The following NICOL1 variants were observed in gnomAD, a reference collection of about 807,000 sequenced individuals.
NICOL1 encodes the protein NELL2-interacting cell ontogeny regulator 1.
At chr4:2,043,788 T>A in the NICOL1 span, 2 of 1,330,964 alleles carry the variant, frequency 1.5e-6, no homozygotes, top group South Asian at 2.7e-5. Context: ...AGGGCTGCCT[T>A]GGGTGGGTGG....
the NICOL1 span, among the ~76,000 whole-genome samples, chr4:2,040,700 C>A: frequency 6.6e-6 from 1 of 152,214 alleles, no homozygotes; most frequent in Non-Finnish European, 1.5e-5. Context: ...CGGCCCGCAG[C>A]CCCCACCCGG....
At chr4:2,042,097 G>A in the NICOL1 span, 1 of 1,485,384 alleles carries the variant, frequency 6.7e-7, no homozygotes. Context: ...GCGTCCGAAT[G>A]GGCGTTTTCT....
chr4:2,041,599 C>A, the NICOL1 span: 1 of 186,818 alleles, frequency 5.4e-6, no homozygotes. Context: ...CAGCTCTCTC[C>A]GGGCGGTGCG....
chr4:2,042,448 C>T, the NICOL1 span: 4 of 430,602 alleles, frequency 9.3e-6, no homozygotes, highest in Non-Finnish European at 1.6e-5. Flanking sequence ...CGCCCGGGCC[C>T]GCGCCGAGCC....
the NICOL1 span, among the ~76,000 whole-genome samples, chr4:2,038,570 C>A: frequency 6.6e-6 from 1 of 152,000 alleles, no homozygotes; most frequent in Non-Finnish European, 1.5e-5. Context: ...AGCCACTGTG[C>A]CTGGCCTAAT....
the NICOL1 span, chr4:2,043,920 G>A: frequency 6.5e-7 from 1 of 1,548,504 alleles, no homozygotes; most frequent in Non-Finnish European, 8.7e-7. Context: ...GGCCAGCGGG[G>A]CACTGAGGAC....
the NICOL1 span, chr4:2,042,159 G>C: frequency 2.8e-6 from 4 of 1,452,482 alleles, no homozygotes; most frequent in Non-Finnish European, 2.7e-6. Flanking sequence ...CGGCGGACTG[G>C]AGTCGGGGAA....
chr4:2,042,379 C>T, the NICOL1 span: 105 of 515,926 alleles, frequency 2.0e-4, 1 homozygote, highest in Non-Finnish European at 3.2e-4. Context: ...GTGCCGGTCC[C>T]CGATGTCACC....
the NICOL1 span, chr4:2,043,916 C>G: frequency 3.2e-6 from 5 of 1,548,600 alleles, no homozygotes; most frequent in South Asian, 6.0e-5. Flanking sequence ...TGCTGGCCAG[C>G]GGGGCACTGA....
At chr4:2,042,661 CG>C in the NICOL1 span, 1 of 824,054 alleles carries the variant, frequency 1.2e-6, no homozygotes, top group South Asian at 1.9e-5. Context: ...ACTGGGTGGA[CG>C]GGCCCAGAGT....
the NICOL1 span, chr4:2,042,921 C>A: frequency 2.6e-6 from 2 of 781,354 alleles, no homozygotes; most frequent in African/African-American, 3.7e-5. Context: ...TGGAGTGTCC[C>A]TCATCCTTCA....
chr4:2,040,470 G>C, the NICOL1 span, among the ~76,000 whole-genome samples: 2 of 152,250 alleles, frequency 1.3e-5, no homozygotes, highest in African/African-American at 4.8e-5. Flanking sequence ...GACCGAAGGG[G>C]AGAAGGACGC....
At chr4:2,042,190 C>T in the NICOL1 span, 1 of 1,438,464 alleles carries the variant, frequency 7.0e-7, no homozygotes. Context: ...GGAGGGGGCT[C>T]CCGGGCCCGG....
chr4:2,042,136 T>G, the NICOL1 span: 2 of 1,364,030 alleles, frequency 1.5e-6, no homozygotes, highest in Non-Finnish European at 1.9e-6. Context: ...AGAGGCTCGC[T>G]GGGCCCGGAG....
the NICOL1 span, among the ~76,000 whole-genome samples, chr4:2,039,360 G>A: frequency 2.6e-5 from 4 of 151,706 alleles, no homozygotes; most frequent in East Asian, 7.8e-4. Flanking sequence ...GTTGCAGTGA[G>A]CCAAGATTGC....
chr4:2,041,723 G>T, the NICOL1 span: 1 of 436,116 alleles, frequency 2.3e-6, no homozygotes, highest in Non-Finnish European at 4.0e-6. Flanking sequence ...GACCTGCTGA[G>T]CTCCAGCCAC....
chr4:2,041,088 G>T, the NICOL1 span, among the ~76,000 whole-genome samples: 3 of 151,508 alleles, frequency 2.0e-5, no homozygotes, highest in Admixed American at 6.6e-5. Flanking sequence ...CAAGAAGAGG[G>T]TCTGGCGGGA....
the NICOL1 span, chr4:2,041,590 A>C: frequency 5.6e-6 from 1 of 179,766 alleles, no homozygotes; most frequent in Non-Finnish European, 1.2e-5. Context: ...CCCCCAGACC[A>C]GCTCTCTCCG....
the NICOL1 span, chr4:2,042,483 G>A: frequency 2.4e-6 from 1 of 417,208 alleles, no homozygotes; most frequent in Non-Finnish European, 4.2e-6. Context: ...TCCCCGCGCA[G>A]AGTAGGTGCC....
Sources: gnomAD v4.1 joint callset for allele counts (sites outside exome capture counted in the v4.1 genomes callset) on GRCh38, gnomAD v4.1.1 for gene constraint, MANE v1.5 for transcripts, NCBI Gene and HGNC (gene_info 2026-07-23, HGNC 2026-07-21) for gene names.